Variants in PEBP4 observed in about 807,000 individuals in gnomAD.
PEBP4 encodes the protein phosphatidylethanolamine-binding protein 4.
In PEBP4, 22 loss-of-function variants were observed where a neutral mutation model predicts 23.9. That is an observed-to-expected ratio of 0.92 (90% CI 0.66 to 1.31). PEBP4 has a LOEUF of 1.31. Ranked by LOEUF, PEBP4 falls within the 40% of genes most tolerant of loss-of-function variation. PEBP4 has a pLI of 0.00. For synonymous variants in PEBP4, 112 were observed against 99.3 expected (o/e 1.13, Z -0.76); for missense variants, 324 against 281.7 (o/e 1.15, Z -1.07).
upstream of PEBP4, among the ~76,000 whole-genome samples, chr8:22,929,734 G>A (rs939168966): frequency 6.6e-6 from 1 of 152,132 alleles, no homozygotes; most frequent in Non-Finnish European, 1.5e-5. Flanking sequence ...TTGAGACAGG[G>A]TCTCACTCTC....
chr8:22,748,093 T>C (rs1404631180), intron 4 of PEBP4, among the ~76,000 whole-genome samples: 1 of 152,166 alleles, frequency 6.6e-6, no homozygotes, highest in Non-Finnish European at 1.5e-5. Context: ...TGCACACACG[T>C]GCAGGCACAC....
chr8:22,866,043 G>C (rs1406714815), intron 3 of PEBP4, among the ~76,000 whole-genome samples: 1 of 152,220 alleles, frequency 6.6e-6, no homozygotes, highest in Non-Finnish European at 1.5e-5. Context: ...CTCCACGCCT[G>C]TCCCCTTTCA....
At chr8:22,758,740 C>A (rs562298396) in intron 4 of PEBP4, among the ~76,000 whole-genome samples, 30 of 152,308 alleles carry the variant, frequency 2.0e-4, no homozygotes, top group African/African-American at 7.0e-4. Context: ...GATGTCATTG[C>A]TTCTGTCCAA....
At chr8:22,797,819 C>T (rs763620395) in intron 4 of PEBP4, among the ~76,000 whole-genome samples, 2 of 152,140 alleles carry the variant, frequency 1.3e-5, no homozygotes, top group African/African-American at 2.4e-5. Context: ...CTGAGATGAG[C>T]GTATGAAAAC....
chr8:22,776,960 C>T (rs577999156), intron 4 of PEBP4, among the ~76,000 whole-genome samples: 15 of 151,800 alleles, frequency 9.9e-5, no homozygotes, highest in Non-Finnish European at 1.6e-4. Flanking sequence ...ATGCGTCCTA[C>T]GGGGGCAGGC....
intron 3 of PEBP4, among the ~76,000 whole-genome samples, chr8:22,914,260 G>A (rs997281798): frequency 2.6e-5 from 4 of 152,046 alleles, no homozygotes; most frequent in African/African-American, 7.2e-5. Context: ...GGGATTACAG[G>A]CATCAACCAC....
At chr8:22,733,162 T>G (rs1179809439) in intron 4 of PEBP4, among the ~76,000 whole-genome samples, 2 of 152,304 alleles carry the variant, frequency 1.3e-5, no homozygotes, top group Admixed American at 6.5e-5. Context: ...TTAGCCCCAT[T>G]GGACAGGAGA....
chr8:22,926,416 C>T (rs904257364), intron 2 of PEBP4, among the ~76,000 whole-genome samples: 2 of 152,104 alleles, frequency 1.3e-5, no homozygotes, highest in East Asian at 3.8e-4. Context: ...GCAATCATGG[C>T]TCAGACCAGC....
upstream of PEBP4, among the ~76,000 whole-genome samples, chr8:22,932,415 G>C (rs7820804): frequency 6.6e-6 from 1 of 151,570 alleles, no homozygotes; most frequent in Non-Finnish European, 1.5e-5. Context: ...GAGATAAGTG[G>C]AGCATATAGC....
chr8:22,773,601 C>T (rs1200849836), intron 4 of PEBP4, among the ~76,000 whole-genome samples: 1 of 152,152 alleles, frequency 6.6e-6, no homozygotes, highest in Non-Finnish European at 1.5e-5. Flanking sequence ...ATACCCGAAG[C>T]TAGCAAAGTC....
At chr8:22,828,781 T>A (rs1807025590) in intron 3 of PEBP4, among the ~76,000 whole-genome samples, 1 of 152,176 alleles carries the variant, frequency 6.6e-6, no homozygotes, top group Non-Finnish European at 1.5e-5. Context: ...CTCTGGTGAC[T>A]TTAGCAAACA....
chr8:22,922,318 C>T (rs890998409), intron 2 of PEBP4, among the ~76,000 whole-genome samples: 1 of 152,066 alleles, frequency 6.6e-6, no homozygotes, highest in Non-Finnish European at 1.5e-5. Context: ...CTGCAGATGG[C>T]ACAGAGCTGG....
At chr8:22,746,125 C>CT (rs11431376) in intron 4 of PEBP4, among the ~76,000 whole-genome samples, 94,535 of 150,426 alleles carry the variant, frequency 0.63, 30,257 homozygotes, top group East Asian at 0.7. Flanking sequence ...AACTTCCTTC[C>CT]TTTTTTTTTC....
upstream of PEBP4, among the ~76,000 whole-genome samples, chr8:22,932,408 A>G (rs1478009305): frequency 6.6e-6 from 1 of 152,204 alleles, no homozygotes; most frequent in Admixed American, 6.5e-5. Context: ...GAATTGTGAG[A>G]TAAGTGGAGC....
intron 6 of PEBP4, among the ~76,000 whole-genome samples, chr8:22,715,153 G>A (rs977353106): frequency 1.3e-5 from 2 of 152,200 alleles, no homozygotes; most frequent in Admixed American, 1.3e-4. Context: ...ATGCTCAGAT[G>A]GGGCCCAGGG....
At chr8:22,909,423 G>T (rs530222885) in intron 3 of PEBP4, among the ~76,000 whole-genome samples, 1 of 152,104 alleles carries the variant, frequency 6.6e-6, no homozygotes, top group Admixed American at 6.5e-5. Flanking sequence ...AAGAAATGAG[G>T]GTCCCTGATT....
rs764217012 is a variant in PEBP4 at position 22,932,963 on chromosome 8, C to T, written c.145-5243G>A. On this transcript the variant is annotated intron_variant, in intron 1 of 1. Transcript: ENST00000522278. ...GAGATTGCAGTGAGCCAAGATCGTA[C>T]TACTGCACTCTAGCCTGGGCAACAG... is the stretch of plus-strand genomic sequence containing the variant. 2.9e-4 allele frequency among the ~76,000 whole-genome samples: 43 copies of T among 147,986 alleles called. 1 individual carries two copies. The highest frequency in any genetic ancestry group is 5.3e-4 in the Non-Finnish European group (36 of 67,778).
intron 4 of PEBP4, among the ~76,000 whole-genome samples, chr8:22,786,003 A>G (rs1279547451): frequency 6.6e-6 from 1 of 152,208 alleles, no homozygotes; most frequent in Non-Finnish European, 1.5e-5. Context: ...CTTATTTCGC[A>G]GTGTTATAGT....
intron 3 of PEBP4, chr8:22,887,088 TAGTG>T (rs751651049): frequency 6.1e-4 from 62 of 101,424 alleles, no homozygotes; most frequent in African/African-American, 1.9e-3. Flanking sequence ...AGGACACTCC[TAGTG>T]TGTGTGTGTG....
Sources: allele counts gnomAD v4.1 joint callset (sites outside exome capture counted in the v4.1 genomes callset), GRCh38; gene constraint gnomAD v4.1.1; transcripts MANE v1.5; gene names NCBI Gene and HGNC (gene_info 2026-07-23, HGNC 2026-07-21).